The following PTPRR variants were observed in gnomAD, a reference collection of about 807,000 sequenced individuals.
PTPRR encodes protein tyrosine phosphatase receptor type R.
PTPRR carries 38 observed loss-of-function variants against 77.2 expected under a neutral mutation model. The observed-to-expected ratio is 0.49, with a 90% CI of 0.38 to 0.65. The LOEUF is 0.65. Ranked by LOEUF, PTPRR falls within the 30% of genes least tolerant of loss-of-function variation. The pLI is 0.00. For synonymous variants in PTPRR, 299 were observed against 283.1 expected, an observed-to-expected ratio of 1.06 and a Z score of -0.57; for missense variants, 744 against 799.2, an observed-to-expected ratio of 0.93 and a Z score of 0.83.
intron 1 of PTPRR, among the ~76,000 whole-genome samples, chr12:70,898,646 G>T (rs899605521): frequency 4.7e-5 from 7 of 150,192 alleles, no homozygotes; most frequent in African/African-American, 1.7e-4. Context: ...CCATTAAATG[G>T]TCTCAAATCA....
intron 2 of PTPRR, among the ~76,000 whole-genome samples, chr12:70,832,007 G>A (rs1272391580): frequency 3.9e-5 from 6 of 152,146 alleles, no homozygotes; most frequent in Non-Finnish European, 5.9e-5. Context: ...CTCTTTCAGG[G>A]TCTAAATAGA....
intron 2 of PTPRR, among the ~76,000 whole-genome samples, chr12:70,880,991 T>A (rs1003230684): frequency 6.6e-6 from 1 of 152,224 alleles, no homozygotes; most frequent in Non-Finnish European, 1.5e-5. Flanking sequence ...ATTTTGTAAT[T>A]CATTTTCCCA....
intron 2 of PTPRR, among the ~76,000 whole-genome samples, chr12:70,848,254 C>A (rs749446029): frequency 2.6e-5 from 4 of 152,140 alleles, no homozygotes; most frequent in African/African-American, 9.6e-5. Flanking sequence ...AATAGTTATC[C>A]GGTTCTATGA....
intron 10 of PTPRR, chr12:70,672,787 G>T: frequency 6.4e-7 from 1 of 1,561,792 alleles, no homozygotes; most frequent in South Asian, 1.1e-5. Context: ...GAAACCTTCT[G>T]TCTTTCTCAA....
chr12:70,788,850 C>T (rs1316863417), intron 2 of PTPRR: 6 of 1,524,532 alleles, frequency 3.9e-6, no homozygotes, highest in East Asian at 2.5e-5. Context: ...GTGATGAAGT[C>T]GACTTCCATT....
intron 6 of PTPRR, among the ~76,000 whole-genome samples, chr12:70,708,815 AACACACACAC>A (rs142909764): frequency 1.3e-4 from 12 of 89,026 alleles, no homozygotes; most frequent in South Asian, 5.8e-4. Context: ...TACAAATACA[AACACACACAC>A]ACACACACAC....
intron 6 of PTPRR, among the ~76,000 whole-genome samples, chr12:70,704,477 G>A (rs1176111317): frequency 6.6e-6 from 1 of 151,790 alleles, no homozygotes; most frequent in Non-Finnish European, 1.5e-5. Flanking sequence ...AGATAAAAGA[G>A]GATCCAGAAC....
intron 2 of PTPRR, among the ~76,000 whole-genome samples, chr12:70,777,123 C>T (rs529856283): frequency 1.3e-5 from 2 of 151,908 alleles, no homozygotes; most frequent in East Asian, 1.9e-4. Context: ...CCACAACTTG[C>T]TTTTTTCACT....
chr12:70,779,357 C>A (rs1310628474), intron 2 of PTPRR, among the ~76,000 whole-genome samples: 1 of 151,982 alleles, frequency 6.6e-6, no homozygotes, highest in Non-Finnish European at 1.5e-5. Context: ...TCCAGTTCCT[C>A]AAGCCAGCTA....
In PTPRR at chr12:70,920,496, A is replaced by T; in HGVS notation, c.-106T>A. The T allele has an allele frequency of 8.9e-7, 1 of 1,121,268 alleles. No individual in the cohort carries two copies. The highest frequency in any genetic ancestry group is 1.3e-6 in the Non-Finnish European group (1 of 770,276). The allele number at this position is 1,121,268 out of a possible 1,614,324, so 69.5% of individuals were successfully genotyped here. A position where few individuals can be genotyped will look rare whatever the true frequency, so the allele number is the denominator to read the frequency against. ...AAGGGTCTTCTAGTCTCCGGGATTC[A>T]GGTCCTCGGCTGGGGTTTGCAGAGC... On this transcript the variant is annotated 5_prime_UTR_variant, in exon 1 of 14. Coordinates refer to ENST00000283228, the MANE Select transcript of PTPRR (RefSeq NM_002849.4).
chr12:70,818,789 T>C (rs1011729742), intron 2 of PTPRR, among the ~76,000 whole-genome samples: 23 of 151,690 alleles, frequency 1.5e-4, no homozygotes, highest in Non-Finnish European at 1.5e-5. Flanking sequence ...ATAAAAGAAA[T>C]AAATAATGAT....
chr12:70,675,794 T>A (rs943341505), intron 10 of PTPRR, among the ~76,000 whole-genome samples: 2 of 151,954 alleles, frequency 1.3e-5, no homozygotes, highest in Non-Finnish European at 2.9e-5. Flanking sequence ...AGGATAGATT[T>A]GTTGGGTATA....
intron 1 of PTPRR, among the ~76,000 whole-genome samples, chr12:70,893,178 T>G (rs1325747463): frequency 6.6e-6 from 1 of 150,564 alleles, no homozygotes; most frequent in African/African-American, 2.4e-5. Flanking sequence ...CTCAAAGACT[T>G]TAGGTGGATA....
chr12:70,715,257 G>T (rs2136826036), intron 6 of PTPRR, among the ~76,000 whole-genome samples: 1 of 152,266 alleles, frequency 6.6e-6, no homozygotes, highest in Admixed American at 6.5e-5. Flanking sequence ...TTCAAAAGGG[G>T]AGGGAGTATA....
intron 2 of PTPRR, among the ~76,000 whole-genome samples, chr12:70,818,500 T>C (rs1891946964): frequency 6.6e-6 from 1 of 152,176 alleles, no homozygotes; most frequent in South Asian, 2.1e-4. Context: ...TCTAATATTA[T>C]TTGAAAATTA....
chr12:70,897,191 G>T (rs887610182), intron 1 of PTPRR, among the ~76,000 whole-genome samples: 4 of 151,824 alleles, frequency 2.6e-5, no homozygotes, highest in Admixed American at 6.6e-5. Flanking sequence ...CACAGCAAAA[G>T]AAACCACCAT....
At chr12:70,720,509 AT>A (rs34611421) in intron 6 of PTPRR, among the ~76,000 whole-genome samples, 1,492 of 136,824 alleles carry the variant, frequency 0.011, 10 homozygotes, top group South Asian at 0.018. Context: ...TACCCTGGTA[AT>A]TTTTTTTTTT....
intron 2 of PTPRR, among the ~76,000 whole-genome samples, chr12:70,861,739 T>C (rs1892756880): frequency 6.6e-6 from 1 of 152,102 alleles, no homozygotes; most frequent in Non-Finnish European, 1.5e-5. Flanking sequence ...CAGTCATCTG[T>C]CTAAGGGAGT....
chr12:70,771,015 GA>G (rs1402470179), intron 2 of PTPRR, among the ~76,000 whole-genome samples: 3 of 112,562 alleles, frequency 2.7e-5, no homozygotes, highest in African/African-American at 1.0e-4. Flanking sequence ...GGGGTGGGGG[GA>G]GGGGGGAGGT....
Sources: gnomAD v4.1 joint callset for allele counts (sites outside exome capture counted in the v4.1 genomes callset) on GRCh38, gnomAD v4.1.1 for gene constraint, MANE v1.5 for transcripts, NCBI Gene and HGNC (gene_info 2026-07-23, HGNC 2026-07-21) for gene names.